ORC5: variants seen among roughly 807,000 people sequenced by gnomAD.
The protein encoded by ORC5 is origin recognition complex subunit 5, also known as protein phosphatase 1, regulatory subunit 117.
In ORC5, 39 loss-of-function variants were observed where a neutral mutation model predicts 58.8. The observed-to-expected ratio is 0.66, with a 90% CI of 0.51 to 0.87. The LOEUF (loss-of-function observed/expected upper bound fraction) is 0.87, where lower values mean the gene tolerates loss of function less well. Ranked by LOEUF, ORC5 falls within the 40% of genes least tolerant of loss-of-function variation. The pLI is 0.00. For missense variants in ORC5, 493 were observed against 506.3 expected (o/e 0.97, Z 0.25); for synonymous variants, 218 against 177.6 (o/e 1.23, Z -1.81).
chr7:104,203,209 G>A (rs538302459), intron 2 of ORC5, among the ~76,000 whole-genome samples: 18 of 152,266 alleles, frequency 1.2e-4, no homozygotes, highest in Middle Eastern at 6.8e-3. Context: ...TATCCTAAAC[G>A]TGCATCCTCA....
At position 104,197,680 on chromosome 7, in the gene ORC5, CATTG is replaced by C. The variant is rs749828070; in HGVS notation, c.441+41_441+44del. On this transcript the variant is annotated intron_variant, in intron 4 of 13. Transcript: ENST00000297431. Reference sequence around the variant, plus strand: ...AATGAAAAACTTTTACAACACAATCCATTGATTAAGTTGTGGGGAGAAAGCACTT... The same window carrying C: ...AATGAAAAACTTTTACAACACAATCCATTAAGTTGTGGGGAGAAAGCACTT... The C allele has an allele frequency of 4.0e-6, 5 of 1,243,518 alleles. No homozygotes were observed. In the East Asian group the frequency reaches 9.4e-5, roughly 23 times the overall value. The allele number at this position is 1,243,518 out of a possible 1,614,324, so 77.0% of individuals were successfully genotyped here.
chr7:104,175,891 T>A (rs1486343062), intron 8 of ORC5, among the ~76,000 whole-genome samples: 1 of 152,200 alleles, frequency 6.6e-6, no homozygotes, highest in African/African-American at 2.4e-5. Context: ...CTTATATAAT[T>A]CAGCTAGTCC....
intron 12 of ORC5, among the ~76,000 whole-genome samples, chr7:104,140,060 A>AT (rs999513905): frequency 2.6e-5 from 4 of 151,910 alleles, no homozygotes; most frequent in Non-Finnish European, 2.9e-5. Flanking sequence ...CTTACAGTGT[A>AT]TTTTTTTCTA....
intron 6 of ORC5, among the ~76,000 whole-genome samples, chr7:104,185,287 C>CT (rs960524585): frequency 9.2e-5 from 14 of 151,538 alleles, no homozygotes; most frequent in African/African-American, 2.9e-4. Flanking sequence ...ATTTGTATGC[C>CT]TTTTTTTTCC....
rs753224703 is a variant in ORC5 at position 104,129,612 on chromosome 7, CT to C, written c.1263-2720del. ...CACACATCCGAAAGATAATTTTGTG[CT>C]TTAAAGTACTTGAAGACAAACAATC... is the stretch of plus-strand genomic sequence containing the variant. On this transcript the variant is annotated intron_variant, in intron 13 of 13. Transcript: ENST00000297431. The surrounding 1 kb of genome is among the most constrained non-coding windows in gnomAD (Gnocchi z 4.9). Among the ~76,000 whole-genome samples, 1 of 152,126 alleles carries C rather than the reference CT, an allele frequency of 6.6e-6. No individual in the cohort carries two copies. Among genetic ancestry groups the C allele is most frequent in the Non-Finnish European group, 1.5e-5 (1 of 68,004 alleles).
intron 4 of ORC5, among the ~76,000 whole-genome samples, chr7:104,196,387 A>G (rs562285996): frequency 9.8e-5 from 15 of 152,348 alleles, no homozygotes; most frequent in African/African-American, 2.2e-4. Flanking sequence ...CATCTACTCA[A>G]AGAAGATAGA....
intron 12 of ORC5, among the ~76,000 whole-genome samples, chr7:104,143,840 C>T (rs958185626): frequency 3.3e-5 from 5 of 151,924 alleles, no homozygotes; most frequent in East Asian, 3.9e-4. Flanking sequence ...GTGAACAGGC[C>T]GGGTGCGGTG....
At chr7:104,169,071 C>A (rs1293915656) in intron 8 of ORC5, among the ~76,000 whole-genome samples, 2 of 152,072 alleles carry the variant, frequency 1.3e-5, no homozygotes, top group Admixed American at 1.3e-4. Context: ...GAGAGTGAGC[C>A]TGTCTTTAAA....
At chr7:104,153,442 TTAAG>T (rs1462346973) in intron 12 of ORC5, among the ~76,000 whole-genome samples, 1 of 152,196 alleles carries the variant, frequency 6.6e-6, no homozygotes, top group African/African-American at 2.4e-5. Flanking sequence ...GAAGTAGGCA[TTAAG>T]TAAGGCTCCT....
intron 8 of ORC5, among the ~76,000 whole-genome samples, chr7:104,179,806 C>T (rs1246398647): frequency 4.6e-5 from 7 of 152,146 alleles, no homozygotes; most frequent in Non-Finnish European, 7.4e-5. Flanking sequence ...ATGTTTGCTG[C>T]ATCTTACTGC....
chr7:104,202,660 T>G (rs118077907), intron 2 of ORC5: 15,451 of 351,952 alleles, frequency 0.044, 450 homozygotes, highest in Middle Eastern at 0.061. Flanking sequence ...TTACTGGGTT[T>G]TATTGCTTTT....
At position 104,208,008 on chromosome 7, in the gene ORC5, G is replaced by T. The variant is rs562924275; in HGVS notation, c.-104C>A. ...GCGGCCCACGCTCCCGCCGGAAACC[G>T]GACCCGCAGCGTCGTGGGAGGAGCC... On this transcript the variant is annotated 5_prime_UTR_variant, in exon 1 of 14. Transcript: ENST00000297431. 10 of 1,119,754 alleles carry T rather than the reference G, an allele frequency of 8.9e-6. No homozygotes were observed. Among genetic ancestry groups the T allele is most frequent in the East Asian group, 2.5e-5 (1 of 40,784 alleles). 69.4% of individuals were successfully genotyped at this position (1,119,754 alleles called of 1,614,324 possible). A position where few individuals can be genotyped will look rare whatever the true frequency, so the allele number is the denominator to read the frequency against.
intron 5 of ORC5, among the ~76,000 whole-genome samples, chr7:104,192,832 C>T (rs1424397668): frequency 2.7e-5 from 4 of 149,492 alleles, no homozygotes; most frequent in Non-Finnish European, 4.4e-5. Context: ...AAATATTCTA[C>T]AGGATTAGAT....
intron 12 of ORC5, among the ~76,000 whole-genome samples, chr7:104,143,587 T>C (rs113877): frequency 0.58 from 87,667 of 151,938 alleles, 27,744 homozygotes; most frequent in African/African-American, 0.83. Context: ...AATAAGATGA[T>C]TGATCAATTT....
chr7:104,202,583 G>T (rs913423325), intron 2 of ORC5: 3 of 446,844 alleles, frequency 6.7e-6, no homozygotes, highest in Non-Finnish European at 1.3e-5. Flanking sequence ...ATATTACACT[G>T]ATTAAGTAAC....
At chr7:104,126,936 G>T in intron 13 of ORC5, 43 bp from the exon 14 acceptor site, 1 of 1,398,166 alleles carries the variant, frequency 7.2e-7, no homozygotes, top group Non-Finnish European at 1.0e-6. Context: ...CTCACCCCTA[G>T]ATTGCTCAGC....
At chr7:104,170,065 A>G (rs1799183594) in intron 8 of ORC5, among the ~76,000 whole-genome samples, 1 of 152,178 alleles carries the variant, frequency 6.6e-6, no homozygotes, top group South Asian at 2.1e-4. Context: ...TGATAGTTCA[A>G]TGACAGGTTT....
intron 8 of ORC5, among the ~76,000 whole-genome samples, chr7:104,174,154 TG>T (rs1258564708): frequency 6.6e-6 from 1 of 151,964 alleles, no homozygotes. Flanking sequence ...GTAAAATTTT[TG>T]TGAATACTCT....
Position 104,200,897 on chromosome 7 carries a change from A to C in ORC5, c.227T>G (p.Ile76Ser). The C allele has an allele frequency of 6.2e-7, 1 of 1,613,864 alleles. No individual in the cohort carries two copies. Among genetic ancestry groups the C allele is most frequent in the Non-Finnish European group, 8.5e-7 (1 of 1,179,796 alleles). Residue 76 changes from isoleucine to serine, a missense_variant, in exon 3 of 14, where the codon ATT becomes AGT. Ile to Ser is a moderately radical substitution (Grantham distance 142). Transcript: ENST00000297431. ...ACTAAGATGATTCAATTTGTTTAAA[A>C]TTTGTTCCAAAAGCAGCCTCAATGT... is the stretch of plus-strand genomic sequence containing the variant. ...CFTLRLLLEQ[I>S]LNKLNHLSSS...
Sources: allele counts gnomAD v4.1 joint callset (sites outside exome capture counted in the v4.1 genomes callset), GRCh38; gene constraint gnomAD v4.1.1; non-coding constraint Gnocchi (gnomAD v3.1); transcripts MANE v1.5; gene names NCBI Gene and HGNC (gene_info 2026-07-23, HGNC 2026-07-21).